ALOX5: variants seen among roughly 807,000 people sequenced by gnomAD.
The protein encoded by ALOX5 is arachidonate 5-lipoxygenase, also known as polyunsaturated fatty acid 5-lipoxygenase.
Under a neutral mutation model 87.9 loss-of-function variants are expected in ALOX5, and 64 were observed. The ratio of observed to expected loss-of-function variants is 0.73; its 90% CI spans 0.60 to 0.90. The LOEUF is 0.90. Among genes scored for constraint, ALOX5 ranks in the 40% least tolerant of loss-of-function variants. The pLI, the probability that ALOX5 is intolerant of heterozygous loss-of-function variation, is 0.00. For missense variants in ALOX5, 822 were observed against 907.5 expected (o/e 0.91, Z 1.21); for synonymous variants, 388 against 355.1 (o/e 1.09, Z -1.04).
chr10:45,395,026 A>T (rs984968139), intron 2 of ALOX5, among the ~76,000 whole-genome samples: 4 of 152,210 alleles, frequency 2.6e-5, no homozygotes, highest in African/African-American at 9.7e-5. Flanking sequence ...AACTAGTTCA[A>T]CCTTTGTGGA....
rs1842280929 is a variant in ALOX5, at chr10:45,442,841, G to A, written c.1273-197G>A. On this transcript the variant is annotated intron_variant, in intron 9 of 13. Transcript: ENST00000374391. ...GTCCCTTGCATTGGATTGGGCGGGA[G>A]GCTCCTCCCTAGCACCTCTCCACCC... The A allele has an allele frequency of 2.0e-5, 12 of 598,888 alleles. No homozygotes were observed. The East Asian group carries it at 3.5e-4, about 17-fold the overall frequency. 37.1% of individuals were successfully genotyped at this position (598,888 alleles called of 1,614,324 possible).
Position 45,374,330 on chromosome 10 carries a change from C to T in ALOX5, c.51C>T (p.Gly17=). The T allele has an allele frequency of 6.5e-7, 1 of 1,529,234 alleles. No individual in the cohort carries two copies. The highest frequency in any genetic ancestry group is 1.2e-5 in the South Asian group (1 of 82,192). 94.7% of individuals were successfully genotyped at this position (1,529,234 alleles called of 1,614,324 possible). The change falls in exon 1 of 14, where the codon GGC becomes GGT. Residue 17 remains glycine, a synonymous_variant. Transcript: ENST00000374391. The part of the protein sequence containing the change: ...TVATGSQWFA[G]TDDYIYLSLV... ...CCACTGGCAGCCAGTGGTTCGCCGG[C>T]ACTGACGACTACATCTACCTCAGCC...
At chr10:45,404,138 G>A (rs939791261) in intron 3 of ALOX5, among the ~76,000 whole-genome samples, 1 of 152,128 alleles carries the variant, frequency 6.6e-6, no homozygotes, top group African/African-American at 2.4e-5. Context: ...TGGTGAGATC[G>A]TTTCCCCCTT....
intron 2 of ALOX5, among the ~76,000 whole-genome samples, chr10:45,395,570 C>T (rs997824906): frequency 2.7e-5 from 4 of 150,886 alleles, no homozygotes; most frequent in Admixed American, 6.6e-5. Flanking sequence ...CAAACCTGCA[C>T]GTTGTGCACA....
rs1839859707 is a variant in ALOX5, at chr10:45,382,355, T to A, written c.151-128T>A. 5 of 945,828 alleles carry A rather than the reference T, an allele frequency of 5.3e-6. No homozygotes were observed. In the Admixed American group the frequency reaches 1.1e-4, roughly 21 times the overall value. 58.6% of individuals were successfully genotyped at this position (945,828 alleles called of 1,614,324 possible). On this transcript the variant is annotated intron_variant, in intron 1 of 13. Coordinates refer to ENST00000374391, the MANE Select transcript of ALOX5 (RefSeq NM_000698.5). ...AGAGTATCTTGCACCTGCTGTTTTT[T>A]TAAGTGCTTTTCATTCAACGTAGTC...
rs1028434052 is a variant in ALOX5, at chr10:45,443,996, G to A, written c.1675-120G>A. On this transcript the variant is annotated intron_variant, in intron 12 of 13. Coordinates refer to ENST00000374391, the MANE Select transcript of ALOX5 (RefSeq NM_000698.5). ...GCCAAGGGCGCTGGCCGCGGGGAAA[G>A]AGGATGGACGGACTGCAGGGCCCGC... 21 of 1,438,834 alleles carry A rather than the reference G, an allele frequency of 1.5e-5. No homozygotes were observed. The African/African-American group carries it at 2.9e-4, about 20-fold the overall frequency. 89.1% of individuals were successfully genotyped at this position (1,438,834 alleles called of 1,614,324 possible). A position where few individuals can be genotyped will look rare whatever the true frequency, so the allele number is the denominator to read the frequency against.
rs544448163 is a variant in ALOX5 at position 45,382,284 on chromosome 10, C to T, written c.151-199C>T. Among the ~76,000 whole-genome samples the T allele has an allele frequency of 3.3e-5, 5 of 152,350 alleles. No individual in the cohort carries two copies. The South Asian group carries it at 1.0e-3, about 32-fold the overall frequency. On this transcript the variant is annotated intron_variant, in intron 1 of 13. Transcript: ENST00000374391. ...CTTTTGGTATAGTGAGGACATCTTT[C>T]ATAGGGGACTTTCATCTCCTGCTTC...
intron 4 of ALOX5, among the ~76,000 whole-genome samples, chr10:45,423,791 A>G (rs753073280): frequency 6.6e-6 from 1 of 152,200 alleles, no homozygotes; most frequent in Non-Finnish European, 1.5e-5. Flanking sequence ...ACATGTGTGA[A>G]TGGAATTCAA....
At chr10:45,393,888 C>T (rs1193571018) in intron 2 of ALOX5, among the ~76,000 whole-genome samples, 1 of 152,160 alleles carries the variant, frequency 6.6e-6, no homozygotes, top group African/African-American at 2.4e-5. Flanking sequence ...CCTAAGAATC[C>T]AACTTACAAG....
intron 1 of ALOX5, among the ~76,000 whole-genome samples, chr10:45,377,779 C>T (rs1048907118): frequency 1.3e-5 from 2 of 152,224 alleles, no homozygotes; most frequent in Non-Finnish European, 2.9e-5. Flanking sequence ...GTCCCAGCAA[C>T]AGCAGAGATC....
At chr10:45,391,462 G>C (rs981153207) in intron 2 of ALOX5, among the ~76,000 whole-genome samples, 4 of 152,114 alleles carry the variant, frequency 2.6e-5, no homozygotes, top group Non-Finnish European at 4.4e-5. Flanking sequence ...CCTCCCAGCC[G>C]CCTGCCTTGG....
At chr10:45,436,439 G>T (rs1297527280) in intron 7 of ALOX5, among the ~76,000 whole-genome samples, 1 of 152,122 alleles carries the variant, frequency 6.6e-6, no homozygotes, top group Non-Finnish European at 1.5e-5. Context: ...ATGGTGAGAG[G>T]TAGGGGCCCA....
chr10:45,445,468 G>A (rs1842406589), intron 13 of ALOX5, 40 bp from the exon 14 acceptor site: 1 of 1,589,222 alleles, frequency 6.3e-7, no homozygotes, highest in Non-Finnish European at 8.6e-7. Flanking sequence ...TACACGGGTA[G>A]TGGATTGACC....
chr10:45,402,160 G>T (rs1319552114), intron 3 of ALOX5, among the ~76,000 whole-genome samples: 1 of 149,956 alleles, frequency 6.7e-6, no homozygotes, highest in Non-Finnish European at 1.5e-5. Flanking sequence ...TCAAACACTT[G>T]CCATAACTGA....
intron 6 of ALOX5, among the ~76,000 whole-genome samples, chr10:45,427,921 C>G (rs985512261): frequency 6.6e-6 from 1 of 152,128 alleles, no homozygotes; most frequent in African/African-American, 2.4e-5. Flanking sequence ...AATGACCCGC[C>G]GTGTCGCCAG....
intron 4 of ALOX5, among the ~76,000 whole-genome samples, chr10:45,417,012 G>C (rs1841318865): frequency 6.6e-6 from 1 of 152,080 alleles, no homozygotes; most frequent in South Asian, 2.1e-4. Context: ...TCTCTGTTCA[G>C]TGTTTCTGAA....
At chr10:45,436,223 G>C (rs1321107036) in intron 7 of ALOX5, among the ~76,000 whole-genome samples, 1 of 152,180 alleles carries the variant, frequency 6.6e-6, no homozygotes, top group East Asian at 1.9e-4. Context: ...TTTGTTGATA[G>C]TTTGTTTTGC....
chr10:45,374,233 C>T lies in ALOX5; in HGVS notation c.-47C>T, dbSNP rs1163508608. 3 of 1,443,122 alleles carry T rather than the reference C, an allele frequency of 2.1e-6. No homozygotes were observed. Among genetic ancestry groups the T allele is most frequent in the Non-Finnish European group, 2.7e-6 (3 of 1,098,780 alleles). 89.4% of individuals were successfully genotyped at this position (1,443,122 alleles called of 1,614,324 possible). On this transcript the variant is annotated 5_prime_UTR_variant, in exon 1 of 14. Coordinates refer to ENST00000374391, the MANE Select transcript of ALOX5 (RefSeq NM_000698.5). ...GCGGCGCTAGATGCGGACACCTGGA[C>T]CGCCGCGCCGAGGCTCCCGGCGCTC...
At chr10:45,443,395 C>A (rs1420286283) in intron 10 of ALOX5, 21 bp from the exon 11 acceptor site, 1 of 1,596,066 alleles carries the variant, frequency 6.3e-7, no homozygotes, top group African/African-American at 1.3e-5. Flanking sequence ...TCGCCCACCC[C>A]GGCTGCGCCC....
Sources: gnomAD v4.1 joint callset for allele counts (sites outside exome capture counted in the v4.1 genomes callset) on GRCh38, gnomAD v4.1.1 for gene constraint, MANE v1.5 for transcripts, NCBI Gene and HGNC (gene_info 2026-07-23, HGNC 2026-07-21) for gene names.